DCDC2: variants seen among roughly 807,000 people sequenced by gnomAD.
The protein encoded by DCDC2 is doublecortin domain containing 2, also known as doublecortin domain-containing protein 2.
A neutral mutation model predicts 50.2 loss-of-function variants in DCDC2; 40 were observed. That is an observed-to-expected ratio of 0.80 (90% CI 0.62 to 1.04). The LOEUF (loss-of-function observed/expected upper bound fraction) is 1.04. Among genes scored for constraint, DCDC2 ranks in the 50% least tolerant of loss-of-function variants. The probability of loss-of-function intolerance (pLI) is 0.00; values close to 1 mark genes in which losing one functional copy is unlikely to be tolerated. For synonymous variants in DCDC2, 234 were observed against 210.6 expected, an observed-to-expected ratio of 1.11 and a Z score of -0.96; for missense variants, 570 against 581.9, an observed-to-expected ratio of 0.98 and a Z score of 0.21.
At chr6:24,273,703 T>C (rs1287358187) in intron 7 of DCDC2, among the ~76,000 whole-genome samples, 2 of 152,236 alleles carry the variant, frequency 1.3e-5, no homozygotes, top group Non-Finnish European at 2.9e-5. Flanking sequence ...GGTTGATTCA[T>C]GGCTGAACCA....
At chr6:24,363,137 A>G in the DCDC2 span, among the ~76,000 whole-genome samples, 44 of 152,282 alleles carry the variant, frequency 2.9e-4, no homozygotes, top group East Asian at 6.2e-3. Context: ...AGTATATGAA[A>G]GGCATTGAGA....
chr6:24,242,744 T>G (rs1351540125), intron 7 of DCDC2, among the ~76,000 whole-genome samples: 1 of 152,076 alleles, frequency 6.6e-6, no homozygotes, highest in African/African-American at 2.4e-5. Context: ...GGCGGATCAC[T>G]TCAGGCCAGG....
intron 7 of DCDC2, among the ~76,000 whole-genome samples, chr6:24,211,148 T>C (rs753816137): frequency 1.3e-5 from 2 of 152,088 alleles, no homozygotes; most frequent in African/African-American, 4.8e-5. Context: ...TCCGTATTTT[T>C]CACTGTTCCA....
At chr6:24,214,718 G>A (rs1370909660) in intron 7 of DCDC2, among the ~76,000 whole-genome samples, 1 of 152,098 alleles carries the variant, frequency 6.6e-6, no homozygotes, top group African/African-American at 2.4e-5. Flanking sequence ...CCAGTGACTT[G>A]CAGTTACTTA....
At chr6:24,303,280 A>G (rs940577376) in intron 2 of DCDC2, among the ~76,000 whole-genome samples, 4 of 152,018 alleles carry the variant, frequency 2.6e-5, no homozygotes, top group Non-Finnish European at 5.9e-5. Context: ...CCGACTTTCA[A>G]GCATGGCCTG....
At chr6:24,268,705 G>A (rs1377057094) in intron 7 of DCDC2, among the ~76,000 whole-genome samples, 5 of 152,030 alleles carry the variant, frequency 3.3e-5, no homozygotes, top group Non-Finnish European at 7.4e-5. Flanking sequence ...CCAAGTAGCT[G>A]AGACTACAGG....
In DCDC2 at chr6:24,353,592, GTCTTTTCTTGATTTC is replaced by G. The variant is rs766084152; in HGVS notation, c.310_324del (p.Glu104_Arg108del). 3 of 1,590,398 alleles carry G rather than the reference GTCTTTTCTTGATTTC, an allele frequency of 1.9e-6. No individual in the cohort carries two copies. Among genetic ancestry groups the G allele is most frequent in the Non-Finnish European group, 2.6e-6 (3 of 1,168,368 alleles). On this transcript the variant is annotated inframe_deletion, in exon 2 of 10. Transcript: ENST00000378454. ...ACCTCTGTATTAACAACTTCCATTG[GTCTTTTCTTGATTTC>G]TCCTATGTCCAAGTAACTGAGGAAA...
intron 7 of DCDC2, among the ~76,000 whole-genome samples, chr6:24,276,820 T>C (rs901251424): frequency 1.3e-5 from 2 of 151,902 alleles, no homozygotes; most frequent in East Asian, 3.9e-4. Flanking sequence ...AAAGAAATCT[T>C]CATAAGAACC....
chr6:24,178,614 C>A lies in DCDC2; in HGVS notation c.1042G>T (p.Asp348Tyr), dbSNP rs760502604. 6.2e-7 allele frequency: 1 copy of A among 1,612,992 alleles called. No homozygotes were observed. The highest frequency in any genetic ancestry group is 1.1e-5 in the South Asian group (1 of 91,042). ...GCCTTCTCTCCATCTTCTTCCTCGT[C>A]TACTATTTCTGCTGGCCTCTGATGG... The part of the protein sequence containing the change: ...PVDQRPAEIV[D>Y]EEEDGEKANK... The change falls in exon 9 of 10, where the codon GAC (aspartate) becomes TAC (tyrosine). Residue 348 changes from aspartate (D) to tyrosine (Y), a missense_variant. By Grantham distance (160) the Asp-to-Tyr change is radical. Transcript: ENST00000378454.
chr6:24,211,747 T>A (rs1561892252), intron 7 of DCDC2, among the ~76,000 whole-genome samples: 1 of 152,176 alleles, frequency 6.6e-6, no homozygotes, highest in East Asian at 1.9e-4. Flanking sequence ...GCCTAGAGCC[T>A]CCAGAAGGAA....
chr6:24,338,975 T>A (rs1053481851), intron 2 of DCDC2, among the ~76,000 whole-genome samples: 2 of 151,916 alleles, frequency 1.3e-5, no homozygotes, highest in Non-Finnish European at 2.9e-5. Context: ...AAAGATAAAT[T>A]ACTTTTTAAA....
intron 8 of DCDC2, among the ~76,000 whole-genome samples, chr6:24,181,776 A>G (rs1199558095): frequency 6.6e-6 from 1 of 152,244 alleles, no homozygotes; most frequent in Non-Finnish European, 1.5e-5. Context: ...TACAGATTCA[A>G]TGCAATCCCT....
chr6:24,242,107 G>A (rs1762574095), intron 7 of DCDC2, among the ~76,000 whole-genome samples: 1 of 152,182 alleles, frequency 6.6e-6, no homozygotes, highest in African/African-American at 2.4e-5. Context: ...CCAGGAAGTT[G>A]AGGCTGTCAT....
At chr6:24,188,274 TA>T (rs1260240832) in intron 8 of DCDC2, among the ~76,000 whole-genome samples, 1 of 152,178 alleles carries the variant, frequency 6.6e-6, no homozygotes, top group African/African-American at 2.4e-5. Context: ...ATATGCCACT[TA>T]AAAAATCATT....
Position 24,320,365 on chromosome 6 carries a change from A to C in DCDC2, c.349-18321T>G, listed in dbSNP as rs568047958. Among the ~76,000 whole-genome samples, 4 of 152,204 alleles carry C rather than the reference A, an allele frequency of 2.6e-5. No homozygotes were observed. In the South Asian group the frequency reaches 8.3e-4, roughly 32 times the overall value. Reference sequence around the variant, plus strand: ...GGGGTGGGGTTTGAGACAGAGTCTCACTGTCGCCCAGGCTGGAATGCAGTG... The same window carrying C: ...GGGGTGGGGTTTGAGACAGAGTCTCCCTGTCGCCCAGGCTGGAATGCAGTG... On this transcript the variant is annotated intron_variant, in intron 2 of 9. Transcript: ENST00000378454.
At chr6:24,238,384 C>G (rs932962029) in intron 7 of DCDC2, among the ~76,000 whole-genome samples, 1 of 151,046 alleles carries the variant, frequency 6.6e-6, no homozygotes, top group Non-Finnish European at 1.5e-5. Context: ...CTGCAACCTC[C>G]GCCTCCCGGG....
At chr6:24,259,583 T>C (rs757486063) in intron 7 of DCDC2, among the ~76,000 whole-genome samples, 1 of 152,186 alleles carries the variant, frequency 6.6e-6, no homozygotes, top group Non-Finnish European at 1.5e-5. Flanking sequence ...CTGTTCATAT[T>C]AAATTAAATT....
At chr6:24,178,966 C>A (rs1184719922) in intron 8 of DCDC2, among the ~76,000 whole-genome samples, 1 of 152,062 alleles carries the variant, frequency 6.6e-6, no homozygotes, top group African/African-American at 2.4e-5. Flanking sequence ...TGCTTGTAAC[C>A]CCCATGGCAG....
chr6:24,342,891 T>C (rs574337852), intron 2 of DCDC2, among the ~76,000 whole-genome samples: 7 of 152,138 alleles, frequency 4.6e-5, no homozygotes, highest in Non-Finnish European at 8.8e-5. Flanking sequence ...ATCTCTGATA[T>C]TACTTTCCAA....
Sources: allele counts gnomAD v4.1 joint callset (sites outside exome capture counted in the v4.1 genomes callset), GRCh38; gene constraint gnomAD v4.1.1; transcripts MANE v1.5; gene names NCBI Gene and HGNC (gene_info 2026-07-23, HGNC 2026-07-21).